The following TTC3 variants were observed in gnomAD, a reference collection of about 807,000 sequenced individuals.
TTC3 encodes tetratricopeptide repeat domain 3, also known as E3 ubiquitin-protein ligase TTC3.
A neutral mutation model predicts 249.6 loss-of-function variants in TTC3; 180 were observed. That is an observed-to-expected ratio of 0.72 (90% CI 0.64 to 0.82). TTC3 has a LOEUF of 0.82. Ranked by LOEUF, TTC3 falls within the 40% of genes least tolerant of loss-of-function variation. TTC3 has a pLI of 0.00. For missense variants in TTC3, 2,061 were observed against 2,398.4 expected, an observed-to-expected ratio of 0.86 and a Z score of 2.94; for synonymous variants, 717 against 805.0, an observed-to-expected ratio of 0.89 and a Z score of 1.85.
At chr21:37,087,739 C>A (rs2072696984) in intron 2 of TTC3, 94 bp from the exon 3 acceptor site, 3 of 962,730 alleles carry the variant, frequency 3.1e-6, no homozygotes, top group African/African-American at 1.7e-5. Context: ...AATAAATGCC[C>A]ACTGAAAGTT....
chr21:37,150,927 T>A (rs1475445628), intron 25 of TTC3, 43 bp downstream of exon 25: 3 of 1,366,848 alleles, frequency 2.2e-6, no homozygotes, highest in Non-Finnish European at 3.1e-6. Context: ...TGATGTCTCT[T>A]AGAATATAAT....
intron 28 of TTC3, among the ~76,000 whole-genome samples, chr21:37,158,435 A>G (rs2080334819): frequency 6.6e-6 from 1 of 152,236 alleles, no homozygotes; most frequent in Admixed American, 6.5e-5. Flanking sequence ...TCTCAAGTGC[A>G]GTAGCTCTGC....
intron 7 of TTC3, among the ~76,000 whole-genome samples, chr21:37,092,596 A>G (rs771646800): frequency 1.2e-4 from 18 of 152,214 alleles, no homozygotes; most frequent in Non-Finnish European, 2.1e-4. Context: ...AGTAAGTAGT[A>G]GGTAGTAGTA....
At chr21:37,148,523 T>C in intron 22 of TTC3, 23 bp from the exon 23 acceptor site, 2 of 1,469,890 alleles carry the variant, frequency 1.4e-6, no homozygotes, top group African/African-American at 1.4e-5. Flanking sequence ...AAACGTTAAT[T>C]AAAAAATTTT....
chr21:37,113,372 A>C (rs1030628945), intron 11 of TTC3, among the ~76,000 whole-genome samples: 1 of 152,206 alleles, frequency 6.6e-6, no homozygotes, highest in Non-Finnish European at 1.5e-5. Flanking sequence ...TGCAAAAATC[A>C]CAAGCATTCT....
chr21:37,164,078 A>G lies in TTC3; in HGVS notation c.3198A>G (p.Pro1066=), dbSNP rs776919818. The G allele has an allele frequency of 2.4e-5, 38 of 1,610,896 alleles. No individual in the cohort carries two copies. In the South Asian group the frequency reaches 4.2e-4, roughly 18 times the overall value. Residue 1066 remains proline (P), a synonymous_variant, in exon 32 of 46, where the codon CCA becomes CCG. Coordinates refer to ENST00000355666, the Ensembl canonical transcript of TTC3. ...ATCGAAATTCAGATTCTGCAGGCCC[A>G]TTTGCAGTGCCTGACCATCTTCGGC... is the stretch of plus-strand genomic sequence containing the variant.
In TTC3 at chr21:37,167,621, G is replaced by C; in HGVS notation, c.4467+1G>C. 1 of 1,608,350 alleles carries C rather than the reference G, an allele frequency of 6.2e-7. No individual in the cohort carries two copies. The highest frequency in any genetic ancestry group is 1.7e-5 in the Admixed American group (1 of 59,572). ...ATATAATCCTTTTGAGGAACGACAAGTGAGTCAAAATTACATTAAACTGTT... is the reference window on the plus strand; with the variant it reads ...ATATAATCCTTTTGAGGAACGACAACTGAGTCAAAATTACATTAAACTGTT... On this transcript the variant is annotated splice_donor_variant, in intron 34 of 45. Coordinates refer to ENST00000355666, the Ensembl canonical transcript of TTC3. LOFTEE classifies it high-confidence loss of function.
At chr21:37,127,216 TC>T (rs1253997683) in intron 15 of TTC3, among the ~76,000 whole-genome samples, 1 of 152,088 alleles carries the variant, frequency 6.6e-6, no homozygotes, top group Non-Finnish European at 1.5e-5. Context: ...ATGACCTAAT[TC>T]CTCCCAAAGG....
chr21:37,108,991 C>T (rs1025598953), intron 11 of TTC3, among the ~76,000 whole-genome samples: 3 of 152,148 alleles, frequency 2.0e-5, no homozygotes, highest in South Asian at 2.1e-4. Flanking sequence ...TAAGAAACCC[C>T]GTAGAAAATG....
chr21:37,181,784 C>T (rs146509066), intron 35 of TTC3, among the ~76,000 whole-genome samples: 1,971 of 152,212 alleles, frequency 0.013, 123 homozygotes, highest in Admixed American at 0.11. Flanking sequence ...GAGCTTTTGA[C>T]CTGAGGGCCA....
intron 36 of TTC3, among the ~76,000 whole-genome samples, chr21:37,184,681 C>G (rs1474574011): frequency 6.8e-6 from 1 of 146,912 alleles, no homozygotes; most frequent in Non-Finnish European, 1.5e-5. Context: ...GTTGGCCAGG[C>G]TGGTCTCGAA....
chr21:37,166,466 C>T, exon 33 of TTC3: 1 of 1,614,202 alleles, frequency 6.2e-7, no homozygotes, highest in Non-Finnish European at 8.5e-7. Context: ...TGTAAAGTCA[C>T]ACTGCAGCAC....
chr21:37,120,717 G>A (rs573373727), intron 11 of TTC3, among the ~76,000 whole-genome samples: 5 of 152,114 alleles, frequency 3.3e-5, no homozygotes, highest in Non-Finnish European at 5.9e-5. Flanking sequence ...AGAGCCACAC[G>A]GTACCCCAGA....
rs148824487 is a variant in TTC3 at position 37,195,698 on chromosome 21, G to A, written c.5241G>A (p.Glu1747=). 5.6e-5 allele frequency: 90 copies of A among 1,612,442 alleles called. 1 individual carries two copies. In the African/African-American group the frequency reaches 9.7e-4, roughly 17 times the overall value. ...AGGTTCATCCCGAGTTACTCCCTGA[G>A]TCTTCAGGCGACGATGGCCAAGGGC... The change falls in exon 42 of 46, where the codon GAG becomes GAA. Residue 1747 remains glutamate, a synonymous_variant. Transcript: ENST00000355666.
intron 16 of TTC3, among the ~76,000 whole-genome samples, chr21:37,130,394 TA>T (rs894671110): frequency 3.9e-5 from 6 of 152,088 alleles, no homozygotes; most frequent in East Asian, 1.9e-4. Flanking sequence ...CTGTTTTATT[TA>T]AAAAAAATTT....
intron 44 of TTC3, among the ~76,000 whole-genome samples, chr21:37,199,322 C>A (rs898878684): frequency 4.6e-5 from 7 of 152,244 alleles, no homozygotes; most frequent in Non-Finnish European, 1.0e-4. Context: ...AGATGGGACT[C>A]ATTTTGTGCC....
chr21:37,165,893 T>C, exon 33 of TTC3: 1 of 1,614,242 alleles, frequency 6.2e-7, no homozygotes, highest in Non-Finnish European at 8.5e-7. Flanking sequence ...GTCAGATTCA[T>C]CTTCAGCACC....
rs563748830 is a variant in TTC3, at chr21:37,148,965, A to G, written c.2118+318A>G. Among the ~76,000 whole-genome samples the G allele has an allele frequency of 7.2e-5, 11 of 152,254 alleles. No homozygotes were observed. In the South Asian group the frequency reaches 1.0e-3, roughly 14 times the overall value. ...CAGCCTCCCAAAGTGCTGGGATTAT[A>G]GGCATGAGCCACTGCACCAGGCCCC... On this transcript the variant is annotated intron_variant, in intron 23 of 45. Transcript: ENST00000355666.
intron 5 of TTC3, among the ~76,000 whole-genome samples, chr21:37,089,457 T>C (rs1429821173): frequency 6.6e-6 from 1 of 152,166 alleles, no homozygotes; most frequent in Non-Finnish European, 1.5e-5. Context: ...AGTAGTTATT[T>C]GCAGTAACAT....
Sources: gnomAD v4.1 joint callset for allele counts (sites outside exome capture counted in the v4.1 genomes callset) on GRCh38, gnomAD v4.1.1 for gene constraint, MANE v1.5 for transcripts, NCBI Gene and HGNC (gene_info 2026-07-23, HGNC 2026-07-21) for gene names.